The following PTPRD variants were observed in gnomAD, a reference collection of about 807,000 sequenced individuals.
The protein encoded by PTPRD is protein tyrosine phosphatase receptor type D.
In PTPRD, 34 loss-of-function variants were observed where a neutral mutation model predicts 214.5. The observed-to-expected ratio is 0.16, with a 90% CI of 0.12 to 0.21. The LOEUF is 0.21. Ranked by LOEUF, PTPRD falls within the 10% of genes least tolerant of loss-of-function variation. The pLI, the probability that PTPRD is intolerant of heterozygous loss-of-function variation, is 1.00. For synonymous variants in PTPRD, 1,128 were observed against 845.7 expected (o/e 1.33, Z -5.79); for missense variants, 2,545 against 2,398.7 (o/e 1.06, Z -1.27).
chr9:10,003,016 A>T (rs2096370462), intron 4 of PTPRD, among the ~76,000 whole-genome samples: 1 of 151,802 alleles, frequency 6.6e-6, no homozygotes, highest in Non-Finnish European at 1.5e-5. Context: ...AAAATTACAA[A>T]TCAATTATAA....
chr9:9,181,777 A>G (rs2131438620), intron 10 of PTPRD, among the ~76,000 whole-genome samples: 1 of 152,096 alleles, frequency 6.6e-6, no homozygotes, highest in East Asian at 1.9e-4. Flanking sequence ...TCATTAATGG[A>G]GGCATATTTG....
rs372787245 is a variant in PTPRD at position 8,340,811 on chromosome 9, T to C, written c.5126+279A>G. Among the ~76,000 whole-genome samples the C allele has an allele frequency of 2.2e-4, 33 of 152,272 alleles. 1 individual carries two copies. The East Asian group carries it at 4.6e-3, about 21-fold the overall frequency. Reference sequence around the variant, plus strand: ...CTAGAAATTATTCTCACACAATCTATTAAATTTATGAAATATGGTACAAAA... The same window carrying C: ...CTAGAAATTATTCTCACACAATCTACTAAATTTATGAAATATGGTACAAAA... On this transcript the variant is annotated intron_variant, in intron 41 of 45. Coordinates refer to ENST00000381196, the MANE Select transcript of PTPRD (RefSeq NM_002839.4).
At chr9:10,142,169 C>A (rs2098990456) in intron 3 of PTPRD, among the ~76,000 whole-genome samples, 1 of 151,984 alleles carries the variant, frequency 6.6e-6, no homozygotes, top group Admixed American at 6.6e-5. Flanking sequence ...ACCATAAAAA[C>A]CCTAGAAGAA....
rs150358710 is a variant in PTPRD, at chr9:9,361,103, A to C, written c.-203+36346T>G. Among the ~76,000 whole-genome samples the C allele has an allele frequency of 6.3e-4, 96 of 151,300 alleles. 1 individual carries two copies. The East Asian group carries it at 0.017, about 26-fold the overall frequency. Reference sequence around the variant, plus strand: ...GAATACAGCTAATCATGTCATGTTTAAATCCATTTTAGTTTTTGTCATTAG... The same window carrying C: ...GAATACAGCTAATCATGTCATGTTTCAATCCATTTTAGTTTTTGTCATTAG... On this transcript the variant is annotated intron_variant, in intron 9 of 45. Transcript: ENST00000381196.
intron 11 of PTPRD, among the ~76,000 whole-genome samples, chr9:8,851,248 G>A (rs35884503): frequency 0.12 from 18,152 of 150,588 alleles, 1,503 homozygotes; most frequent in Middle Eastern, 0.2. Flanking sequence ...TTAATTAACT[G>A]CTTTTCTAAA....
intron 10 of PTPRD, among the ~76,000 whole-genome samples, chr9:9,152,054 G>T (rs181824114): frequency 6.6e-6 from 1 of 152,238 alleles, no homozygotes. Flanking sequence ...GAAATAAACT[G>T]GATTTTGTTC....
At chr9:10,591,263 A>G (rs1169647914) in intron 2 of PTPRD, among the ~76,000 whole-genome samples, 1 of 151,868 alleles carries the variant, frequency 6.6e-6, no homozygotes, top group Non-Finnish European at 1.5e-5. Flanking sequence ...GTGCATGTGT[A>G]TGTGTGTATG....
chr9:10,070,867 TA>T (rs1644870625), intron 3 of PTPRD, among the ~76,000 whole-genome samples: 2 of 151,986 alleles, frequency 1.3e-5, no homozygotes, highest in South Asian at 4.2e-4. Context: ...TTTTGTAGAT[TA>T]AAAAAATAGA....
chr9:8,797,307 A>G (rs1486223321), intron 11 of PTPRD: 1 of 152,202 alleles, frequency 6.6e-6, no homozygotes, highest in Non-Finnish European at 1.5e-5. Context: ...CGATAACCAT[A>G]ATGTACAATA....
At chr9:9,775,800 C>CA (rs1356673932) in intron 5 of PTPRD, among the ~76,000 whole-genome samples, 1 of 151,530 alleles carries the variant, frequency 6.6e-6, no homozygotes, top group African/African-American at 2.4e-5. Context: ...AACAAACAAA[C>CA]AAAAAAATAG....
At chr9:10,210,823 G>GTATA (rs1554858798) in intron 3 of PTPRD, among the ~76,000 whole-genome samples, 1 of 72,488 alleles carries the variant, frequency 1.4e-5, no homozygotes, top group Non-Finnish European at 2.6e-5. Flanking sequence ...ATATATATAT[G>GTATA]TATGTATGTA....
intron 2 of PTPRD, among the ~76,000 whole-genome samples, chr9:10,422,612 AAAAC>A (rs1342477047): frequency 2.0e-5 from 3 of 152,082 alleles, no homozygotes; most frequent in Admixed American, 6.6e-5. Context: ...TACAAGAAAA[AAAAC>A]AAACAACCCC....
intron 8 of PTPRD, among the ~76,000 whole-genome samples, chr9:9,493,199 A>T (rs1278789228): frequency 1.3e-5 from 2 of 152,184 alleles, no homozygotes; most frequent in South Asian, 2.1e-4. Context: ...GGCCCTTAAG[A>T]ATAATGCTTA....
At chr9:10,093,581 C>G (rs2098453927) in intron 3 of PTPRD, among the ~76,000 whole-genome samples, 1 of 151,444 alleles carries the variant, frequency 6.6e-6, no homozygotes, top group Non-Finnish European at 1.5e-5. Flanking sequence ...ACCTAGTAAT[C>G]CCATTACTGG....
chr9:10,230,436 G>GTGTCTGTC (rs199914356), intron 3 of PTPRD, among the ~76,000 whole-genome samples: 2 of 140,636 alleles, frequency 1.4e-5, no homozygotes, highest in East Asian at 2.0e-4. Context: ...ATGTATCTAT[G>GTGTCTGTC]TATCTATCTA....
chr9:10,417,290 C>G (rs562173565), intron 2 of PTPRD, among the ~76,000 whole-genome samples: 2 of 152,004 alleles, frequency 1.3e-5, no homozygotes, highest in East Asian at 3.9e-4. Flanking sequence ...GTACCTTCTT[C>G]CAATGAAAGG....
At chr9:9,415,819 A>C in intron 8 of PTPRD, among the ~76,000 whole-genome samples, 1 of 152,324 alleles carries the variant, frequency 6.6e-6, no homozygotes, top group Non-Finnish European at 1.5e-5. Context: ...GAGCAAGAAA[A>C]GCCTTTAAAA....
At chr9:9,442,867 T>A (rs2088704106) in intron 8 of PTPRD, among the ~76,000 whole-genome samples, 1 of 152,174 alleles carries the variant, frequency 6.6e-6, no homozygotes, top group Non-Finnish European at 1.5e-5. Flanking sequence ...TATAATTATT[T>A]CCTAAAGGAT....
At chr9:9,331,595 T>C (rs2042334349) in intron 9 of PTPRD, among the ~76,000 whole-genome samples, 1 of 152,078 alleles carries the variant, frequency 6.6e-6, no homozygotes, top group East Asian at 1.9e-4. Context: ...AAAAGGGGTA[T>C]GTTTTACAAA....
Sources: allele counts gnomAD v4.1 joint callset (sites outside exome capture counted in the v4.1 genomes callset), GRCh38; gene constraint gnomAD v4.1.1; transcripts MANE v1.5; gene names NCBI Gene and HGNC (gene_info 2026-07-23, HGNC 2026-07-21).